The following CTNNA2 variants were observed in gnomAD, a reference collection of about 807,000 sequenced individuals.
The protein encoded by CTNNA2 is catenin alpha-2.
Under a neutral mutation model 101.0 loss-of-function variants are expected in CTNNA2, and 42 were observed. The ratio of observed to expected loss-of-function variants is 0.42; its 90% confidence interval spans 0.32 to 0.54. The LOEUF is 0.54. Among genes scored for constraint, CTNNA2 ranks in the 20% least tolerant of loss-of-function variants. The probability of loss-of-function intolerance (pLI) is 0.14; values close to 1 mark genes in which losing one functional copy is unlikely to be tolerated. For missense variants in CTNNA2, 871 were observed against 1,223.1 expected, an observed-to-expected ratio of 0.71 and a Z score of 4.29; for synonymous variants, 450 against 456.4, an observed-to-expected ratio of 0.99 and a Z score of 0.18.
At chr2:79,329,369 G>A (rs552035436) in intron 3 of CTNNA2, among the ~76,000 whole-genome samples, 2 of 152,280 alleles carry the variant, frequency 1.3e-5, no homozygotes, top group African/African-American at 4.8e-5. Flanking sequence ...ACTCTAATGT[G>A]GAAGGGAATG....
At chr2:80,286,117 A>T (rs183527576) in intron 7 of CTNNA2, among the ~76,000 whole-genome samples, 1 of 152,074 alleles carries the variant, frequency 6.6e-6, no homozygotes, top group African/African-American at 2.4e-5. Context: ...CTCATTGTCT[A>T]TGTCCACATG....
Position 80,648,032 on chromosome 2 carries a change from C to A in CTNNA2, c.*160C>A. The stretch of plus-strand genomic sequence containing the variant: ...CATGTAAGATGAGATGAGATCAATA[C>A]TACTGATCCATCTGTAGCCTGGGAA... On this transcript the variant is annotated 3_prime_UTR_variant, in exon 19 of 19. Transcript: ENST00000402739. The A allele has an allele frequency of 1.6e-6, 1 of 628,628 alleles. No homozygotes were observed. Among genetic ancestry groups the A allele is most frequent in the Non-Finnish European group, 2.7e-6 (1 of 377,284 alleles). 38.9% of individuals were successfully genotyped at this position (628,628 alleles called of 1,614,324 possible). A position where few individuals can be genotyped will look rare whatever the true frequency, so the allele number is the denominator to read the frequency against.
chr2:80,313,131 C>T (rs181636785), intron 7 of CTNNA2, among the ~76,000 whole-genome samples: 336 of 152,254 alleles, frequency 2.2e-3, no homozygotes, highest in Admixed American at 4.1e-3. Context: ...CAGATTAATG[C>T]CTTTATGTGT....
At chr2:79,221,928 T>G (rs1192377022) in intron 2 of CTNNA2, among the ~76,000 whole-genome samples, 4 of 152,124 alleles carry the variant, frequency 2.6e-5, no homozygotes, top group Non-Finnish European at 5.9e-5. Context: ...GTAGAGGGTA[T>G]AGGCTGTGTG....
At chr2:80,347,925 TA>T (rs1672915894) in intron 7 of CTNNA2, among the ~76,000 whole-genome samples, 1 of 151,864 alleles carries the variant, frequency 6.6e-6, no homozygotes, top group Non-Finnish European at 1.5e-5. Flanking sequence ...GGGGAGTTTT[TA>T]AAATACTGAT....
At chr2:80,028,837 A>G (rs534398000) in intron 7 of CTNNA2, among the ~76,000 whole-genome samples, 1 of 152,348 alleles carries the variant, frequency 6.6e-6, no homozygotes, top group African/African-American at 2.4e-5. Context: ...TGCAAAAGAT[A>G]AGGAAATAGA....
intron 4 of CTNNA2, among the ~76,000 whole-genome samples, chr2:79,405,524 T>C (rs1451906632): frequency 6.6e-6 from 1 of 151,742 alleles, no homozygotes; most frequent in Non-Finnish European, 1.5e-5. Context: ...CATGGTTTCA[T>C]CATGTTGACC....
At chr2:80,021,606 C>A (rs1694570267) in intron 7 of CTNNA2, among the ~76,000 whole-genome samples, 2 of 152,052 alleles carry the variant, frequency 1.3e-5, no homozygotes, top group African/African-American at 2.4e-5. Context: ...ATTTTTTTAA[C>A]TGACAAAAGT....
intron 7 of CTNNA2, among the ~76,000 whole-genome samples, chr2:80,169,151 G>T (rs984114411): frequency 1.7e-4 from 26 of 152,198 alleles, no homozygotes; most frequent in African/African-American, 5.5e-4. Flanking sequence ...AGGGTTTGTG[G>T]GGCCTCTTGC....
chr2:79,209,517 C>T (rs1401256104), intron 2 of CTNNA2, among the ~76,000 whole-genome samples: 5 of 152,222 alleles, frequency 3.3e-5, no homozygotes, highest in Admixed American at 2.6e-4. Context: ...AATCTTTTCA[C>T]ACATGTTTAT....
chr2:80,295,868 C>A (rs1245586777), intron 7 of CTNNA2, among the ~76,000 whole-genome samples: 2 of 152,130 alleles, frequency 1.3e-5, no homozygotes, highest in Non-Finnish European at 2.9e-5. Context: ...TTCTCTAGTT[C>A]CTTATAATTT....
chr2:79,606,644 A>C (rs1677914310), intron 1 of CTNNA2, among the ~76,000 whole-genome samples: 1 of 152,190 alleles, frequency 6.6e-6, no homozygotes, highest in South Asian at 2.1e-4. Flanking sequence ...AATGTATGCC[A>C]GTTGAATAAG....
chr2:79,308,104 G>C (rs192524209), intron 2 of CTNNA2, among the ~76,000 whole-genome samples: 1 of 152,258 alleles, frequency 6.6e-6, no homozygotes, highest in South Asian at 2.1e-4. Flanking sequence ...CAGTACAGTG[G>C]CATGATCTCG....
chr2:80,544,381 A>G (rs1198984975), intron 9 of CTNNA2, among the ~76,000 whole-genome samples: 1 of 152,238 alleles, frequency 6.6e-6, no homozygotes. Context: ...TCTTTATACT[A>G]GATCTGCACA....
At chr2:80,102,671 C>T (rs1407993860) in intron 7 of CTNNA2, among the ~76,000 whole-genome samples, 2 of 152,040 alleles carry the variant, frequency 1.3e-5, no homozygotes, top group Admixed American at 6.6e-5. Flanking sequence ...CACCACACAC[C>T]CAGCTAATTT....
At chr2:80,419,727 T>C (rs934630586) in intron 9 of CTNNA2, 126 bp downstream of exon 9, 3 of 945,028 alleles carry the variant, frequency 3.2e-6, no homozygotes, top group Non-Finnish European at 3.0e-6. Context: ...GGAATCATTC[T>C]TTCCTTTACT....
At chr2:80,634,641 T>A (rs1201132176) in intron 18 of CTNNA2, among the ~76,000 whole-genome samples, 9 of 152,010 alleles carry the variant, frequency 5.9e-5, no homozygotes, top group Admixed American at 5.9e-4. Context: ...CATTTGAGAA[T>A]AAACGGGGTA....
chr2:80,635,049 A>G (rs1672730561), intron 18 of CTNNA2, among the ~76,000 whole-genome samples: 1 of 152,162 alleles, frequency 6.6e-6, no homozygotes, highest in Non-Finnish European at 1.5e-5. Flanking sequence ...GTCTTTGTGA[A>G]GATAACTCTT....
intron 4 of CTNNA2, among the ~76,000 whole-genome samples, chr2:79,388,685 G>A (rs1678134133): frequency 6.6e-6 from 1 of 151,968 alleles, no homozygotes; most frequent in Admixed American, 6.6e-5. Flanking sequence ...ATCTAATGAG[G>A]GCAGATGCAG....
Sources: gnomAD v4.1 joint callset for allele counts (sites outside exome capture counted in the v4.1 genomes callset) on GRCh38, gnomAD v4.1.1 for gene constraint, MANE v1.5 for transcripts, NCBI Gene and HGNC (gene_info 2026-07-23, HGNC 2026-07-21) for gene names.